C11orf58: variants seen among roughly 807,000 people sequenced by gnomAD.
C11orf58 encodes the protein chromosome 11 open reading frame 58, also known as small acidic protein.
A neutral mutation model predicts 22.7 loss-of-function variants in C11orf58; 5 were observed. That is an observed-to-expected ratio of 0.22 (90% CI 0.12 to 0.46). The LOEUF (loss-of-function observed/expected upper bound fraction) is 0.46. Ranked by LOEUF, C11orf58 falls within the 20% of genes least tolerant of loss-of-function variation. The pLI is 0.99. For missense variants in C11orf58, 151 were observed against 223.3 expected, an observed-to-expected ratio of 0.68 and a Z score of 2.06; for synonymous variants, 71 against 70.7, an observed-to-expected ratio of 1.00 and a Z score of -0.02.
intron 3 of C11orf58, chr11:16,748,370 A>G (rs1402549191): frequency 2.4e-6 from 1 of 420,574 alleles, no homozygotes; most frequent in Non-Finnish European, 4.4e-6. Context: ...TGAGGCTGCA[A>G]TGAAGCTATG....
chr11:16,754,668 G>A (rs1185858501), intron 4 of C11orf58, among the ~76,000 whole-genome samples: 2 of 140,382 alleles, frequency 1.4e-5, no homozygotes, highest in East Asian at 4.5e-4. Context: ...AGCCTCTTGA[G>A]TAGCTGGAAT....
chr11:16,752,655 T>A, intron 3 of C11orf58, 130 bp from the exon 4 acceptor site: 1 of 504,428 alleles, frequency 2.0e-6, no homozygotes. Context: ...TGGCATAAAT[T>A]CTCAAAAGTC....
At chr11:16,751,644 A>ATTTT (rs1364310475) in intron 3 of C11orf58, 1 of 152,144 alleles carries the variant, frequency 6.6e-6, no homozygotes, top group East Asian at 1.9e-4. Context: ...GAACATTGGG[A>ATTTT]TTTTTTGACA....
chr11:16,742,814 T>C (rs1848458403), intron 1 of C11orf58, among the ~76,000 whole-genome samples: 1 of 152,238 alleles, frequency 6.6e-6, no homozygotes, highest in South Asian at 2.1e-4. Flanking sequence ...TTCCTGATTT[T>C]GATGTACATA....
intron 3 of C11orf58, 97 bp from the exon 4 acceptor site, chr11:16,752,688 G>C (rs1189554086): frequency 9.9e-6 from 7 of 710,424 alleles, no homozygotes; most frequent in Middle Eastern, 3.0e-4. Flanking sequence ...GTCACAATTA[G>C]ATAAATCAGC....
rs55803725 is a variant in C11orf58, at chr11:16,756,908, CAAAA to C, written c.*1821_*1824del. The C allele has an allele frequency of 3.1e-5, 3 of 97,046 alleles. No homozygotes were observed. The highest frequency in any genetic ancestry group is 6.0e-5 in the Non-Finnish European group (3 of 49,770). The allele number at this position is 97,046 out of a possible 1,614,324, so 6.0% of individuals were successfully genotyped here. On this transcript the variant is annotated 3_prime_UTR_variant, in exon 5 of 5. Coordinates refer to ENST00000228136, the MANE Select transcript of C11orf58 (RefSeq NM_014267.6). ...GGGCAACAAGAGCAAAACTCCATCT[CAAAA>C]AAAAAAAAAAAAAAAATTTAGAATG...
intron 4 of C11orf58, among the ~76,000 whole-genome samples, chr11:16,754,545 C>CTCTCTCT (rs1564885490): frequency 1.1e-5 from 1 of 93,322 alleles, no homozygotes; most frequent in African/African-American, 3.7e-5. Context: ...CTCTCTCTCT[C>CTCTCTCT]CCTTTTTTTT....
rs750346233 is a variant in C11orf58, at chr11:16,752,806, A to G, written c.230A>G (p.Asn77Ser). 2 of 1,610,918 alleles carry G rather than the reference A, an allele frequency of 1.2e-6. No individual in the cohort carries two copies. The highest frequency in any genetic ancestry group is 3.4e-5 in the Admixed American group (2 of 59,474). ...GCAGGGGAAGAAGACAAGAAAATTAATGAAGAACTGGAGTCTCAATATCAG... is the reference window on the plus strand; with the variant it reads ...GCAGGGGAAGAAGACAAGAAAATTAGTGAAGAACTGGAGTCTCAATATCAG... ...FRTGEEDKKI[N>S]EELESQYQQS... Residue 77 changes from asparagine to serine, a missense_variant, in exon 4 of 5, where the codon AAT (asparagine) becomes AGT (serine). This residue lies in a region of C11orf58 where 112 missense variants were observed against 162.6 expected (regional missense o/e 0.69). Transcript: ENST00000228136.
At chr11:16,753,169 G>A (rs12361242) in intron 4 of C11orf58, among the ~76,000 whole-genome samples, 47,083 of 151,356 alleles carry the variant, frequency 0.31, 8,782 homozygotes, top group Non-Finnish European at 0.42. Context: ...CTTCCACCTC[G>A]CGGGTTCAAG....
chr11:16,754,797 G>A, intron 4 of C11orf58, 74 bp from the exon 5 acceptor site: 1 of 1,575,912 alleles, frequency 6.3e-7, no homozygotes, highest in East Asian at 2.2e-5. Context: ...AAGACCGACA[G>A]AACTTACGGT....
At chr11:16,742,371 A>G (rs978117371) in intron 1 of C11orf58, among the ~76,000 whole-genome samples, 2 of 152,200 alleles carry the variant, frequency 1.3e-5, no homozygotes, top group Non-Finnish European at 2.9e-5. Context: ...GCATCTCTTT[A>G]TAGATAAGGA....
chr11:16,755,051 A>G lies in C11orf58; in HGVS notation c.499A>G (p.Lys167Glu). 6.2e-7 allele frequency: 1 copy of G among 1,614,188 alleles called. No individual in the cohort carries two copies. Among genetic ancestry groups the G allele is most frequent in the Non-Finnish European group, 8.5e-7 (1 of 1,180,024 alleles). ...PDEVEDPKNK[K>E]DAKSNYKMMF... is the part of the protein sequence containing the mutation. ...TGAAGTGGAGGATCCCAAAAACAAA[A>G]AAGATGCAAAAAGCAATTATAAAAT... The change falls in exon 5 of 5, where the codon AAA (lysine) becomes GAA (glutamate). Residue 167 changes from lysine to glutamate, a missense_variant. Coordinates refer to ENST00000228136, the MANE Select transcript of C11orf58 (RefSeq NM_014267.6).
rs1054435755 is a variant in C11orf58 at position 16,753,934 on chromosome 11, A to G, written c.319-937A>G. 9 of 566,352 alleles carry G rather than the reference A, an allele frequency of 1.6e-5. No homozygotes were observed. In the Admixed American group the frequency reaches 2.4e-4, roughly 15 times the overall value. 35.1% of individuals were successfully genotyped at this position (566,352 alleles called of 1,614,324 possible). ...GGCTGGTCTCAAAACTCCTGGGTTC[A>G]AGCGATCTTTCCGCCTTCCAAAGTG... is the stretch of plus-strand genomic sequence containing the variant. On this transcript the variant is annotated intron_variant, in intron 4 of 4. Transcript: ENST00000228136.
intron 2 of C11orf58, chr11:16,746,929 C>G (rs1446396721): frequency 6.6e-6 from 1 of 152,326 alleles, no homozygotes; most frequent in Non-Finnish European, 1.5e-5. Flanking sequence ...GCCACTGCGC[C>G]TGGCCCATAG....
chr11:16,750,471 C>G (rs1487369426), intron 3 of C11orf58: 1 of 152,230 alleles, frequency 6.6e-6, no homozygotes, highest in Non-Finnish European at 1.5e-5. Context: ...TTGATCCTGC[C>G]TGCTGCTAAG....
chr11:16,750,736 A>G (rs1848526418), intron 3 of C11orf58: 1 of 154,086 alleles, frequency 6.5e-6, no homozygotes, highest in South Asian at 2.0e-4. Flanking sequence ...TTTGCTTTCA[A>G]CCAACACCAC....
chr11:16,753,806 A>C (rs1049289391), intron 4 of C11orf58: 5 of 405,046 alleles, frequency 1.2e-5, no homozygotes, highest in Non-Finnish European at 2.2e-5. Flanking sequence ...GCACAGTCTC[A>C]CTGCCACCTT....
At position 16,752,792 on chromosome 11, in the gene C11orf58, A is replaced by C. The variant is rs1848543607; in HGVS notation, c.216A>C (p.Glu72Asp). ...KSTSHFRTGE[E>D]DKKINEELES... is the part of the protein sequence containing the mutation. ...AGTATCCTGGACATGCAGGGGAAGA[A>C]GACAAGAAAATTAATGAAGAACTGG... The change falls in exon 4 of 5, where the codon GAA becomes GAC. Residue 72 changes from glutamate (E) to aspartate (D), a missense_variant. By Grantham distance (45) the Glu-to-Asp change is conservative (BLOSUM62 2). Transcript: ENST00000228136. The C allele has an allele frequency of 1.2e-6, 2 of 1,606,914 alleles. No individual in the cohort carries two copies. Among genetic ancestry groups the C allele is most frequent in the Non-Finnish European group, 1.7e-6 (2 of 1,176,372 alleles).
intron 1 of C11orf58, chr11:16,744,132 A>C (rs766163088): frequency 6.6e-6 from 1 of 152,182 alleles, no homozygotes; most frequent in Non-Finnish European, 1.5e-5. Flanking sequence ...AGAATTTTTA[A>C]CTTCAACTAA....
Sources: gnomAD v4.1 joint callset for allele counts (sites outside exome capture counted in the v4.1 genomes callset) on GRCh38, gnomAD v4.1.1 for gene constraint, gnomAD v4.1.1 regional missense constraint, MANE v1.5 for transcripts, NCBI Gene and HGNC (gene_info 2026-07-23, HGNC 2026-07-21) for gene names.